The following RSBN1L variants were observed in gnomAD, a reference collection of about 807,000 sequenced individuals.
RSBN1L encodes round spermatid basic protein 1 like.
A neutral mutation model predicts 67.7 loss-of-function variants in RSBN1L; 30 were observed. That is an observed-to-expected ratio of 0.44 (90% CI 0.33 to 0.60). RSBN1L has a LOEUF of 0.60. Ranked by LOEUF, RSBN1L falls within the 20% of genes least tolerant of loss-of-function variation. The pLI is 0.02. For missense variants in RSBN1L, 992 were observed against 1,031.7 expected, an observed-to-expected ratio of 0.96 and a Z score of 0.53; for synonymous variants, 433 against 387.0, an observed-to-expected ratio of 1.12 and a Z score of -1.39.
intron 1 of RSBN1L, among the ~76,000 whole-genome samples, chr7:77,708,265 C>T (rs746842877): frequency 2.6e-5 from 4 of 151,518 alleles, no homozygotes; most frequent in African/African-American, 4.9e-5. Context: ...GTGGTGTGTT[C>T]GGTGGTGTGT....
chr7:77,742,180 A>AAAAC (rs1554340015), intron 2 of RSBN1L, among the ~76,000 whole-genome samples: 8 of 82,166 alleles, frequency 9.7e-5, no homozygotes, highest in Admixed American at 1.2e-4. Flanking sequence ...AAAAAAAAAA[A>AAAAC]ATACACACAC....
rs142531428 is a variant in RSBN1L at position 77,762,164 on chromosome 7, G to A, written c.1345-3331G>A. Among the ~76,000 whole-genome samples, 8 of 152,160 alleles carry A rather than the reference G, an allele frequency of 5.3e-5. No individual in the cohort carries two copies. The East Asian group carries it at 1.5e-3, about 29-fold the overall frequency. On this transcript the variant is annotated intron_variant, in intron 3 of 7. Transcript: ENST00000334955. ...ATCTATATGTTTTATATGTATTTTG[G>A]CATGAGGTGGGAAGAACTAACTAAA...
intron 1 of RSBN1L, among the ~76,000 whole-genome samples, chr7:77,734,642 C>A (rs1434184807): frequency 6.6e-6 from 1 of 152,074 alleles, no homozygotes; most frequent in African/African-American, 2.4e-5. Context: ...GCATGCACCA[C>A]CACATCCGGC....
At chr7:77,741,576 C>G (rs1791410261) in intron 2 of RSBN1L, among the ~76,000 whole-genome samples, 1 of 151,382 alleles carries the variant, frequency 6.6e-6, no homozygotes, top group African/African-American at 2.4e-5. Flanking sequence ...CCTGTAGTCC[C>G]AGCTACTCGG....
rs947622529 is a variant in RSBN1L, at chr7:77,696,950, A to G, written c.481A>G (p.Lys161Glu). 6.3e-7 allele frequency: 1 copy of G among 1,590,814 alleles called. No homozygotes were observed. Among genetic ancestry groups the G allele is most frequent in the Non-Finnish European group, 8.5e-7 (1 of 1,175,620 alleles). ...ASANAKSRRP[K>E]EKREKERRRH... The stretch of plus-strand genomic sequence containing the variant: ...GGCTAACGCCAAGTCGCGCAGACCT[A>G]AGGAGAAGCGGGAGAAGGAGAGGAG... Residue 161 changes from lysine (K) to glutamate (E), a missense_variant, in exon 1 of 8, where the codon AAG becomes GAG. By Grantham distance (56) the Lys-to-Glu change is moderately conservative (BLOSUM62 1). Coordinates refer to ENST00000334955, the MANE Select transcript of RSBN1L (RefSeq NM_198467.3).
At chr7:77,716,763 C>G (rs547348839) in intron 1 of RSBN1L, among the ~76,000 whole-genome samples, 100 of 150,560 alleles carry the variant, frequency 6.6e-4, no homozygotes, top group African/African-American at 2.4e-3. Context: ...TCCCGAGTAG[C>G]TGGGATTACA....
Position 77,756,166 on chromosome 7 carries a change from C to G in RSBN1L, c.1344+6102C>G, listed in dbSNP as rs1053052957. Among the ~76,000 whole-genome samples the G allele has an allele frequency of 2.4e-4, 37 of 151,966 alleles. 1 individual carries two copies. Among genetic ancestry groups the G allele is most frequent in the African/African-American group, 8.7e-4 (36 of 41,394 alleles). ...TTTTTTTTTGAGACAGAGTCTAGCTCTGTCATCCAGGCTGGAGTGTAGTGG... is the reference window on the plus strand; with the variant it reads ...TTTTTTTTTGAGACAGAGTCTAGCTGTGTCATCCAGGCTGGAGTGTAGTGG... On this transcript the variant is annotated intron_variant, in intron 3 of 7. Transcript: ENST00000334955.
chr7:77,728,968 A>C (rs1406079797), intron 1 of RSBN1L, among the ~76,000 whole-genome samples: 4 of 152,152 alleles, frequency 2.6e-5, no homozygotes, highest in Non-Finnish European at 4.4e-5. Flanking sequence ...GGAAGAGTGA[A>C]GCCAGATGGC....
intron 2 of RSBN1L, among the ~76,000 whole-genome samples, chr7:77,738,212 T>C (rs572310430): frequency 1.4e-4 from 22 of 152,290 alleles, no homozygotes; most frequent in African/African-American, 4.8e-4. Context: ...ATGTTCTTGA[T>C]TGAATACTGG....
intron 2 of RSBN1L, among the ~76,000 whole-genome samples, chr7:77,746,833 C>T (rs1791490589): frequency 6.6e-6 from 1 of 152,166 alleles, no homozygotes; most frequent in Non-Finnish European, 1.5e-5. Flanking sequence ...AGTCCGAAAC[C>T]CAGCAGGGCA....
intron 1 of RSBN1L, among the ~76,000 whole-genome samples, chr7:77,719,504 A>AAAC (rs1281710954): frequency 1.4e-4 from 21 of 152,226 alleles, no homozygotes; most frequent in Admixed American, 1.3e-4. Flanking sequence ...TATATATGTG[A>AAAC]AACAATCACG....
chr7:77,745,715 C>G (rs1791473404), intron 2 of RSBN1L, among the ~76,000 whole-genome samples: 1 of 152,132 alleles, frequency 6.6e-6, no homozygotes, highest in African/African-American at 2.4e-5. Flanking sequence ...TTCAAGGACA[C>G]TACATTTATT....
At chr7:77,739,166 TTTG>T (rs1356663880) in intron 2 of RSBN1L, among the ~76,000 whole-genome samples, 3 of 152,142 alleles carry the variant, frequency 2.0e-5, no homozygotes, top group Non-Finnish European at 2.9e-5. Context: ...AAAGGCATCT[TTTG>T]TTGTTGGTGA....
intron 2 of RSBN1L, among the ~76,000 whole-genome samples, chr7:77,748,847 A>G (rs1584294467): frequency 6.6e-6 from 1 of 152,142 alleles, no homozygotes; most frequent in Non-Finnish European, 1.5e-5. Flanking sequence ...AGCATTTGCT[A>G]TATGTCAGAA....
chr7:77,704,520 T>A (rs1199288309), intron 1 of RSBN1L, among the ~76,000 whole-genome samples: 1 of 152,222 alleles, frequency 6.6e-6, no homozygotes, highest in African/African-American at 2.4e-5. Context: ...ATTCTGGGTG[T>A]ACCCATTATG....
intron 5 of RSBN1L, among the ~76,000 whole-genome samples, chr7:77,770,365 ACT>A (rs1236563478): frequency 2.0e-5 from 3 of 150,502 alleles, no homozygotes; most frequent in East Asian, 3.9e-4. Context: ...ATAGAGCGAG[ACT>A]CTGTTTCAAA....
At chr7:77,758,596 T>G (rs182178694) in intron 3 of RSBN1L, among the ~76,000 whole-genome samples, 166 of 152,274 alleles carry the variant, frequency 1.1e-3, no homozygotes, top group African/African-American at 3.8e-3. Flanking sequence ...CTTTCTTTTT[T>G]TGTGTGTGCG....
At chr7:77,702,147 G>T (rs906837560) in intron 1 of RSBN1L, among the ~76,000 whole-genome samples, 7 of 151,512 alleles carry the variant, frequency 4.6e-5, no homozygotes, top group Non-Finnish European at 8.8e-5. Flanking sequence ...TTGTATTTTT[G>T]AGTAGAGATA....
In RSBN1L at chr7:77,778,374, T is replaced by A. The variant is rs751500133; in HGVS notation, c.1830T>A (p.Cys610Ter). Residue 610 changes from cysteine to a stop codon, truncating the protein, a stop_gained, in exon 7 of 8, where the codon TGT becomes TGA. Transcript: ENST00000334955. LOFTEE classifies it high-confidence loss of function. ...DQPRITKDVI[C>*]FHAEDFLEVV... ...CCCGTATAACCAAAGATGTAATTTG[T>A]TTTCATGCTGAAGATTTCTTAGAAG... 6.2e-7 allele frequency: 1 copy of A among 1,613,094 alleles called. No homozygotes were observed. Among genetic ancestry groups the A allele is most frequent in the African/African-American group, 1.3e-5 (1 of 74,900 alleles).
Sources: gnomAD v4.1 joint callset for allele counts (sites outside exome capture counted in the v4.1 genomes callset) on GRCh38, gnomAD v4.1.1 for gene constraint, MANE v1.5 for transcripts, NCBI Gene and HGNC (gene_info 2026-07-23, HGNC 2026-07-21) for gene names.